The following ZNF469 variants were observed in gnomAD, a reference collection of about 807,000 sequenced individuals.
ZNF469 encodes the protein zinc finger protein 469.
A neutral mutation model predicts 1.0 loss-of-function variants in ZNF469; 1 was observed. The ratio of observed to expected loss-of-function variants is 1.00; its 90% confidence interval spans 0.35 to 4.73. ZNF469 has a LOEUF of 4.73. Ranked by LOEUF, ZNF469 falls within the 30% of genes most tolerant of loss-of-function variation. The pLI is 0.16. For missense variants in ZNF469, 6,100 were observed against 5,356.3 expected (o/e 1.14, Z -4.33); for synonymous variants, 2,703 against 2,363.4 (o/e 1.14, Z -4.17).
At chr16:88,204,577 C>G in the ZNF469 span, among the ~76,000 whole-genome samples, 1 of 152,228 alleles carries the variant, frequency 6.6e-6, no homozygotes, top group African/African-American at 2.4e-5. Context: ...AGGATTTTCT[C>G]CGACAGGAGG....
At chr16:88,248,041 C>G in the ZNF469 span, among the ~76,000 whole-genome samples, 1 of 152,154 alleles carries the variant, frequency 6.6e-6, no homozygotes, top group Non-Finnish European at 1.5e-5. Flanking sequence ...GCCACCCACA[C>G]AGGGCTGCTC....
intron 1 of ZNF469, among the ~76,000 whole-genome samples, chr16:88,408,383 C>A (rs560687044): frequency 1.1e-4 from 16 of 152,374 alleles, no homozygotes; most frequent in African/African-American, 3.8e-4. Flanking sequence ...AACTCCTGAC[C>A]TCAGGTGATC....
chr16:88,344,889 C>T, the ZNF469 span, among the ~76,000 whole-genome samples: 3 of 152,238 alleles, frequency 2.0e-5, no homozygotes, highest in African/African-American at 7.2e-5. Context: ...GTCGCCCTGC[C>T]TCCATCACCC....
the ZNF469 span, among the ~76,000 whole-genome samples, chr16:88,166,519 A>G: frequency 6.6e-6 from 1 of 152,140 alleles, no homozygotes; most frequent in Non-Finnish European, 1.5e-5. The surrounding 1 kb of genome is among the most constrained non-coding windows in gnomAD (Gnocchi z 4.5). Flanking sequence ...CAAGACATGG[A>G]ACCCCAGGAA....
chr16:88,433,819 C>G lies in ZNF469; in HGVS notation c.6349C>G (p.Pro2117Ala). ...GGACCTGGCCGCCTGCGCCCCCTCA[C>G]CCACTTCAGCCGCCCACATGCCCTG... ...VGDLAACAPS[P>A]TSAAHMPCSL... The change falls in exon 3 of 3, where the codon CCC becomes GCC. Residue 2117 changes from proline (P) to alanine (A), a missense_variant. By Grantham distance (27) the Pro-to-Ala change is conservative. Coordinates refer to ENST00000565624, the MANE Select transcript of ZNF469 (RefSeq NM_001367624.2). 1 of 1,549,892 alleles carries G rather than the reference C, an allele frequency of 6.5e-7. No homozygotes were observed. Among genetic ancestry groups the G allele is most frequent in the Non-Finnish European group, 8.7e-7 (1 of 1,146,818 alleles).
At chr16:88,129,822 C>T in the ZNF469 span, among the ~76,000 whole-genome samples, 4 of 152,242 alleles carry the variant, frequency 2.6e-5, no homozygotes, top group Non-Finnish European at 2.9e-5. Flanking sequence ...CGTGCCATTG[C>T]ACTTCAGCAG....
the ZNF469 span, among the ~76,000 whole-genome samples, chr16:88,281,759 A>T: frequency 6.7e-6 from 1 of 150,228 alleles, no homozygotes; most frequent in South Asian, 2.1e-4. Flanking sequence ...AGTACCATGC[A>T]TGGGTTAGTA....
chr16:88,348,322 C>A, the ZNF469 span, among the ~76,000 whole-genome samples: 1 of 152,172 alleles, frequency 6.6e-6, no homozygotes, highest in African/African-American at 2.4e-5. Flanking sequence ...CTCCCCTGTG[C>A]GTGCCTCTCG....
chr16:88,135,030 C>A, the ZNF469 span, among the ~76,000 whole-genome samples: 2 of 152,250 alleles, frequency 1.3e-5, no homozygotes, highest in Non-Finnish European at 2.9e-5. Flanking sequence ...AGGGGTCAGT[C>A]CACCCCCATG....
rs536609940 is a variant in ZNF469, at chr16:88,416,533, G to A, written c.-191-8274G>A. On this transcript the variant is annotated intron_variant, in intron 1 of 2. Transcript: ENST00000565624. ...TCCAAGGCAAGCTCTGGGCCTAGCC[G>A]GAAGCTTCTGACCCAGAGAGTCTGG... is the stretch of plus-strand genomic sequence containing the variant. 2.2e-4 allele frequency among the ~76,000 whole-genome samples: 33 copies of A among 152,270 alleles called. No homozygotes were observed. In the Middle Eastern group the frequency reaches 0.01, roughly 47 times the overall value.
the ZNF469 span, among the ~76,000 whole-genome samples, chr16:88,226,366 G>A: frequency 3.3e-5 from 5 of 152,180 alleles, no homozygotes; most frequent in Admixed American, 6.5e-5. Context: ...GAGAGGCCAC[G>A]TGCAGCGGGA....
chr16:88,342,748 G>A, the ZNF469 span, among the ~76,000 whole-genome samples: 1 of 152,236 alleles, frequency 6.6e-6, no homozygotes, highest in Non-Finnish European at 1.5e-5. Context: ...CGTTGGGCCA[G>A]GTGGGAGAAC....
At chr16:88,233,589 T>A in the ZNF469 span, among the ~76,000 whole-genome samples, 97 of 152,254 alleles carry the variant, frequency 6.4e-4, no homozygotes, top group African/African-American at 1.9e-3. Flanking sequence ...CTGGGTTCTG[T>A]TTTGGTGAGG....
the ZNF469 span, among the ~76,000 whole-genome samples, chr16:88,243,962 GTGGATGGA>G: frequency 9.3e-6 from 1 of 107,518 alleles, no homozygotes; most frequent in Non-Finnish European, 2.1e-5. Context: ...AAATGTATGT[GTGGATGGA>G]TGGATGGATG....
intron 1 of ZNF469, among the ~76,000 whole-genome samples, chr16:88,401,847 G>T (rs373945554): frequency 4.4e-3 from 663 of 151,350 alleles, no homozygotes; most frequent in African/African-American, 0.016. Flanking sequence ...TGGATGGATG[G>T]ATACAAGGGT....
chr16:88,403,341 T>C (rs1263364049), intron 1 of ZNF469, among the ~76,000 whole-genome samples: 3 of 152,274 alleles, frequency 2.0e-5, no homozygotes, highest in Non-Finnish European at 2.9e-5. Context: ...TAAAATCCTC[T>C]GCGTGGGTTT....
the ZNF469 span, among the ~76,000 whole-genome samples, chr16:88,118,270 G>A: frequency 4.6e-5 from 7 of 152,170 alleles, no homozygotes; most frequent in South Asian, 2.1e-4. Context: ...ATCTTGCCTC[G>A]CAGCTTTTAA....
chr16:88,128,000 T>G, the ZNF469 span, among the ~76,000 whole-genome samples: 1 of 151,998 alleles, frequency 6.6e-6, no homozygotes, highest in African/African-American at 2.4e-5. Context: ...GCCACAGCAG[T>G]GAGTGTAGGC....
the ZNF469 span, among the ~76,000 whole-genome samples, chr16:88,209,157 C>G: frequency 1.3e-5 from 2 of 152,080 alleles, no homozygotes; most frequent in African/African-American, 2.4e-5. Context: ...AAACAAAACC[C>G]TACACACACA....
Sources: gnomAD v4.1 joint callset for allele counts (sites outside exome capture counted in the v4.1 genomes callset) on GRCh38, gnomAD v4.1.1 for gene constraint, Gnocchi (gnomAD v3.1) non-coding constraint, MANE v1.5 for transcripts, NCBI Gene and HGNC (gene_info 2026-07-23, HGNC 2026-07-21) for gene names.